The following IFI16 variants were observed in gnomAD, a reference collection of about 807,000 sequenced individuals.
IFI16 encodes the protein interferon gamma inducible protein 16.
A neutral mutation model predicts 68.4 loss-of-function variants in IFI16; 49 were observed. The ratio of observed to expected loss-of-function variants is 0.72; its 90% confidence interval spans 0.57 to 0.91. The LOEUF (loss-of-function observed/expected upper bound fraction) is 0.91, where lower values mean the gene tolerates loss of function less well. Ranked by LOEUF, IFI16 falls within the 40% of genes least tolerant of loss-of-function variation. The pLI, the probability that IFI16 is intolerant of heterozygous loss-of-function variation, is 0.00. For missense variants in IFI16, 878 were observed against 942.9 expected, an observed-to-expected ratio of 0.93 and a Z score of 0.90; for synonymous variants, 307 against 315.0, an observed-to-expected ratio of 0.97 and a Z score of 0.27.
intron 4 of IFI16, among the ~76,000 whole-genome samples, chr1:159,017,623 G>C (rs1653013504): frequency 6.6e-6 from 1 of 151,584 alleles, no homozygotes; most frequent in East Asian, 1.9e-4. Flanking sequence ...TGTTGTTGTT[G>C]TTGAGACAGA....
At chr1:159,054,732 CA>C in intron 11 of IFI16, 88 bp from the exon 12 acceptor site, 2 of 652,762 alleles carry the variant, frequency 3.1e-6, no homozygotes, top group Non-Finnish European at 5.6e-6. Flanking sequence ...AGATATGGTG[CA>C]GGGGGAGGAG....
At chr1:159,050,172 G>T (rs61533256) in intron 9 of IFI16, among the ~76,000 whole-genome samples, 8,472 of 151,838 alleles carry the variant, frequency 0.056, 283 homozygotes, top group African/African-American at 0.091. Context: ...TTAATATATC[G>T]TGAACTGCCA....
upstream of IFI16, among the ~76,000 whole-genome samples, chr1:159,004,490 A>T (rs148854763): frequency 0.069 from 10,439 of 152,104 alleles, 506 homozygotes; most frequent in Non-Finnish European, 0.1. Flanking sequence ...GGGTCACTTG[A>T]GATCAGGAGT....
chr1:159,052,191 A>G (rs1655409683), intron 10 of IFI16, 93 bp downstream of exon 10: 9 of 998,816 alleles, frequency 9.0e-6, no homozygotes, highest in Non-Finnish European at 1.3e-5. Flanking sequence ...AACTTACTCA[A>G]CACAGAAAAT....
chr1:159,017,860 G>C (rs1247225466), intron 4 of IFI16, among the ~76,000 whole-genome samples: 1 of 152,126 alleles, frequency 6.6e-6, no homozygotes, highest in Non-Finnish European at 1.5e-5. Flanking sequence ...CACCCGCCTC[G>C]GCGTTTCAAA....
chr1:159,027,897 CTCT>C, intron 6 of IFI16, among the ~76,000 whole-genome samples: 2 of 152,170 alleles, frequency 1.3e-5, no homozygotes, highest in Middle Eastern at 6.8e-3. Flanking sequence ...TTGATCTTCT[CTCT>C]TCTTTTCTTT....
intron 6 of IFI16, 107 bp downstream of exon 6, chr1:159,020,636 C>T: frequency 3.1e-6 from 2 of 652,332 alleles, no homozygotes; most frequent in Non-Finnish European, 5.1e-6. Flanking sequence ...CAGCGGGAGG[C>T]ATGAGAAAAC....
At chr1:159,054,395 A>G (rs776182098) in intron 11 of IFI16, among the ~76,000 whole-genome samples, 14 of 152,216 alleles carry the variant, frequency 9.2e-5, no homozygotes, top group Non-Finnish European at 1.3e-4. Flanking sequence ...ATGCTCTCAG[A>G]TTGCTCCAGT....
chr1:159,006,816 T>A (rs941504367), upstream of IFI16, among the ~76,000 whole-genome samples: 11 of 152,106 alleles, frequency 7.2e-5, no homozygotes, highest in African/African-American at 2.4e-4. Context: ...TTGGTGCAAG[T>A]GCCAAAAAAC....
At chr1:159,040,778 G>C (rs1245440458) in intron 7 of IFI16, among the ~76,000 whole-genome samples, 1 of 152,124 alleles carries the variant, frequency 6.6e-6, no homozygotes, top group Non-Finnish European at 1.5e-5. Flanking sequence ...AAACTTATTA[G>C]CTATGTATAT....
intron 7 of IFI16, among the ~76,000 whole-genome samples, chr1:159,033,311 A>G (rs1177617648): frequency 6.6e-6 from 1 of 152,212 alleles, no homozygotes; most frequent in Non-Finnish European, 1.5e-5. Context: ...ATAGAAGTGA[A>G]CAGAGAGACT....
chr1:159,045,454 T>C lies in IFI16; in HGVS notation c.1487T>C (p.Phe496Ser). Residue 496 changes from phenylalanine (F) to serine (S), a missense_variant, in exon 8 of 12, where the codon TTC (phenylalanine) becomes TCC (serine). By Grantham distance (155) the Phe-to-Ser change is radical. This residue lies in a region of IFI16 where 59 missense variants were observed against 119.0 expected (regional missense o/e 0.50). Coordinates refer to ENST00000295809, the MANE Select transcript of IFI16 (RefSeq NM_001376587.1). ...QMPPSTPSSS[F>S]LTTKSEDTIS... ...CCTCCATCAACACCAAGCAGCAGTT[T>C]CTTAACCACGGTACAAGTTCCCTCT... 1 of 1,599,968 alleles carries C rather than the reference T, an allele frequency of 6.3e-7. No individual in the cohort carries two copies. Among genetic ancestry groups the C allele is most frequent in the Non-Finnish European group, 8.5e-7 (1 of 1,171,830 alleles).
upstream of IFI16, among the ~76,000 whole-genome samples, chr1:159,007,567 A>G (rs3754467): frequency 0.029 from 4,422 of 152,004 alleles, 323 homozygotes; most frequent in East Asian, 0.26. Flanking sequence ...ACACTGGATT[A>G]TGTTATCTAA....
upstream of IFI16, among the ~76,000 whole-genome samples, chr1:159,003,447 A>G (rs1289106238): frequency 1.3e-5 from 2 of 152,090 alleles, no homozygotes; most frequent in African/African-American, 2.4e-5. Context: ...CCATATTCCA[A>G]ATTCCTAAAG....
intron 6 of IFI16, among the ~76,000 whole-genome samples, chr1:159,020,846 C>CGTGT (rs56977166): frequency 0.022 from 3,342 of 148,874 alleles, 57 homozygotes; most frequent in Non-Finnish European, 0.033. Context: ...TAGAAAACGT[C>CGTGT]GTGTGTGTGT....
At chr1:159,028,716 A>C (rs1026456584) in intron 6 of IFI16, among the ~76,000 whole-genome samples, 1 of 151,966 alleles carries the variant, frequency 6.6e-6, no homozygotes, top group Non-Finnish European at 1.5e-5. Context: ...GGATTGTGAC[A>C]TTTTCCTATT....
chr1:159,022,441 G>A (rs1653396454), intron 6 of IFI16, among the ~76,000 whole-genome samples: 1 of 152,212 alleles, frequency 6.6e-6, no homozygotes, highest in Admixed American at 6.5e-5. Context: ...AAAGGAGACA[G>A]GCTCATTTAT....
rs1028569361 is a variant in IFI16 at position 159,048,418 on chromosome 1, C to T, written c.1498-1014C>T. On this transcript the variant is annotated intron_variant, in intron 8 of 11. Coordinates refer to ENST00000295809, the MANE Select transcript of IFI16 (RefSeq NM_001376587.1). Reference sequence around the variant, plus strand: ...TAGTATTAGAGTCAGGATTCAAATGCAGCCTTATTGAACTTAAAATGTTAA... The same window carrying T: ...TAGTATTAGAGTCAGGATTCAAATGTAGCCTTATTGAACTTAAAATGTTAA... 2.6e-5 allele frequency among the ~76,000 whole-genome samples: 4 copies of T among 151,548 alleles called. No homozygotes were observed. In the East Asian group the frequency reaches 7.7e-4, roughly 29 times the overall value.
upstream of IFI16, among the ~76,000 whole-genome samples, chr1:159,007,274 A>G (rs77068176): frequency 3.7e-3 from 561 of 152,354 alleles, 3 homozygotes; most frequent in African/African-American, 0.013. Flanking sequence ...GCAAAGGTCC[A>G]GCCCCAGCAG....
Sources: gnomAD v4.1 joint callset for allele counts (sites outside exome capture counted in the v4.1 genomes callset) on GRCh38, gnomAD v4.1.1 for gene constraint, gnomAD v4.1.1 regional missense constraint, MANE v1.5 for transcripts, NCBI Gene and HGNC (gene_info 2026-07-23, HGNC 2026-07-21) for gene names.